TDRD5: variants seen among roughly 807,000 people sequenced by gnomAD.
TDRD5 encodes the protein tudor domain-containing protein 5.
In TDRD5, 41 loss-of-function variants were observed where a neutral mutation model predicts 120.6. That is an observed-to-expected ratio of 0.34 (90% CI 0.26 to 0.44). TDRD5 has a LOEUF of 0.44. Ranked by LOEUF, TDRD5 falls within the 20% of genes least tolerant of loss-of-function variation. The probability of loss-of-function intolerance (pLI) is 1.00; values close to 1 mark genes in which losing one functional copy is unlikely to be tolerated. For synonymous variants in TDRD5, 430 were observed against 433.7 expected (o/e 0.99, Z 0.11); for missense variants, 1,006 against 1,221.2 (o/e 0.82, Z 2.63).
At chr1:179,601,008 C>T (rs756161887) in intron 4 of TDRD5, among the ~76,000 whole-genome samples, 3 of 152,040 alleles carry the variant, frequency 2.0e-5, no homozygotes, top group Non-Finnish European at 2.9e-5. Flanking sequence ...TATTGAGACT[C>T]ATATGGCTCA....
rs968388243 is a variant in TDRD5, at chr1:179,614,305, G to A, written c.832-4294G>A. 3.9e-5 allele frequency among the ~76,000 whole-genome samples: 6 copies of A among 152,144 alleles called. No homozygotes were observed. The East Asian group carries it at 5.8e-4, about 15-fold the overall frequency. The stretch of plus-strand genomic sequence containing the variant: ...CTAATGCAACATAATTTTAAATGAT[G>A]GTATCAATGTGCCATGATTTTAAAT... On this transcript the variant is annotated intron_variant, in intron 4 of 17. Coordinates refer to ENST00000444136, the MANE Select transcript of TDRD5 (RefSeq NM_001199085.3).
rs956188866 is a variant in TDRD5 at position 179,596,412 on chromosome 1, T to C, written c.831+594T>C. On this transcript the variant is annotated intron_variant, in intron 4 of 17. Coordinates refer to ENST00000444136, the MANE Select transcript of TDRD5 (RefSeq NM_001199085.3). The stretch of plus-strand genomic sequence containing the variant: ...TCGAGTTTTGATTAATATATAATTA[T>C]ACAATCACCATCAAAATAAAAAACA... Among the ~76,000 whole-genome samples the C allele has an allele frequency of 4.6e-5, 7 of 152,300 alleles. 1 individual carries two copies. The East Asian group carries it at 1.3e-3, about 29-fold the overall frequency.
At chr1:179,617,426 A>G (rs1414630438) in intron 4 of TDRD5, among the ~76,000 whole-genome samples, 1 of 152,126 alleles carries the variant, frequency 6.6e-6, no homozygotes, top group Non-Finnish European at 1.5e-5. Flanking sequence ...CAGCCTTGTG[A>G]GAGATGGAGA....
Position 179,620,274 on chromosome 1 carries a change from A to C in TDRD5, c.916-761A>C, listed in dbSNP as rs568905178. ...AAGCTTGATTAGAATTTTGTATAAA[A>C]TATATCTGGAAAAATTTAGAAAACA... On this transcript the variant is annotated intron_variant, in intron 5 of 17. Transcript: ENST00000444136. Among the ~76,000 whole-genome samples, 3 of 152,250 alleles carry C rather than the reference A, an allele frequency of 2.0e-5. No homozygotes were observed. The South Asian group carries it at 6.2e-4, about 32-fold the overall frequency.
rs939190127 is a variant in TDRD5, at chr1:179,593,309, C to G, written c.233-151C>G. 1.5e-5 allele frequency: 13 copies of G among 869,230 alleles called. No homozygotes were observed. In the African/African-American group the frequency reaches 1.9e-4, roughly 12 times the overall value. The allele number at this position is 869,230 out of a possible 1,614,324, so 53.8% of individuals were successfully genotyped here. A position where few individuals can be genotyped will look rare whatever the true frequency, so the allele number is the denominator to read the frequency against. ...AGCTAGCAAGCTGTTGCCCAAAATG[C>G]AAGAAATCGAGGAACCAAGAGTTAC... is the stretch of plus-strand genomic sequence containing the variant. On this transcript the variant is annotated intron_variant, in intron 2 of 17. Transcript: ENST00000444136.
chr1:179,677,072 G>A (rs541062345), intron 17 of TDRD5, among the ~76,000 whole-genome samples: 1 of 152,058 alleles, frequency 6.6e-6, no homozygotes, highest in East Asian at 1.9e-4. Context: ...TGTGTTTGAT[G>A]GATCAGGTTA....
In TDRD5 at chr1:179,629,415, C is replaced by T. The variant is rs538255875; in HGVS notation, c.973-1352C>T. 4.6e-5 allele frequency among the ~76,000 whole-genome samples: 7 copies of T among 151,742 alleles called. No homozygotes were observed. In the South Asian group the frequency reaches 8.3e-4, roughly 18 times the overall value. On this transcript the variant is annotated intron_variant, in intron 6 of 17. Transcript: ENST00000444136. ...ATTAGTATTAAAAAGATAATTTGCA[C>T]GATAGATTAAGAAGGGAAAAATACA...
At chr1:179,685,211 A>G (rs1342517983) in intron 17 of TDRD5, among the ~76,000 whole-genome samples, 1 of 152,162 alleles carries the variant, frequency 6.6e-6, no homozygotes, top group Non-Finnish European at 1.5e-5. Flanking sequence ...ATCTTGAATT[A>G]GTTTTTGTAT....
At chr1:179,671,099 G>A (rs996981441) in intron 17 of TDRD5, among the ~76,000 whole-genome samples, 1 of 152,148 alleles carries the variant, frequency 6.6e-6, no homozygotes, top group African/African-American at 2.4e-5. Flanking sequence ...ACCATTTGTT[G>A]AAAAGACTAT....
intron 6 of TDRD5, among the ~76,000 whole-genome samples, chr1:179,627,111 G>A (rs751080082): frequency 1.2e-4 from 18 of 152,170 alleles, no homozygotes; most frequent in Non-Finnish European, 2.6e-4. Flanking sequence ...AAAAGGGAGT[G>A]ACTTATATAC....
At chr1:179,601,377 A>G (rs574642373) in intron 4 of TDRD5, among the ~76,000 whole-genome samples, 1 of 152,274 alleles carries the variant, frequency 6.6e-6, no homozygotes, top group African/African-American at 2.4e-5. Context: ...CCCAAGCAGT[A>G]TACACTGCAC....
chr1:179,656,841 C>A (rs1441638243), intron 14 of TDRD5, among the ~76,000 whole-genome samples: 1 of 152,142 alleles, frequency 6.6e-6, no homozygotes, highest in Non-Finnish European at 1.5e-5. Context: ...TACCTGAGGT[C>A]TGGAGTTCAG....
rs558402341 is a variant in TDRD5 at position 179,668,797 on chromosome 1, C to T, written c.2650-397C>T. Among the ~76,000 whole-genome samples, 314 of 132,992 alleles carry T rather than the reference C, an allele frequency of 2.4e-3. 1 individual carries two copies. The highest frequency in any genetic ancestry group is 8.5e-3 in the African/African-American group (300 of 35,298). The allele number at this position is 132,992 out of a possible 152,430, so 87.2% of individuals were successfully genotyped here. A position where few individuals can be genotyped will look rare whatever the true frequency, so the allele number is the denominator to read the frequency against. ...TCGCTCTGTCGCCCAGGCTGGAGTG[C>T]GGTGGCGCAACCTCGGCTCACTGCA... is the stretch of plus-strand genomic sequence containing the variant. On this transcript the variant is annotated intron_variant, in intron 16 of 17. Transcript: ENST00000444136.
chr1:179,675,130 A>G (rs1428086255), intron 17 of TDRD5, among the ~76,000 whole-genome samples: 1 of 151,608 alleles, frequency 6.6e-6, no homozygotes, highest in Non-Finnish European at 1.5e-5. Context: ...ATAACCTTAG[A>G]TTGTTTATTT....
intron 4 of TDRD5, among the ~76,000 whole-genome samples, chr1:179,598,175 T>A (rs1434926827): frequency 6.6e-6 from 1 of 152,222 alleles, no homozygotes; most frequent in Non-Finnish European, 1.5e-5. Context: ...ACGGGGTATT[T>A]GTGTATCTAA....
chr1:179,621,302 TTATAA>T (rs1676831378), intron 6 of TDRD5, among the ~76,000 whole-genome samples: 1 of 152,112 alleles, frequency 6.6e-6, no homozygotes, highest in South Asian at 2.1e-4. Flanking sequence ...CCACTTATTG[TTATAA>T]TATTATTATA....
chr1:179,651,408 A>C (rs1678705292), intron 12 of TDRD5, among the ~76,000 whole-genome samples: 1 of 152,128 alleles, frequency 6.6e-6, no homozygotes, highest in African/African-American at 2.4e-5. Context: ...GGTTGCAGTG[A>C]GCCGAGATGG....
At chr1:179,621,609 A>T (rs1676847150) in intron 6 of TDRD5, among the ~76,000 whole-genome samples, 1 of 152,198 alleles carries the variant, frequency 6.6e-6, no homozygotes, top group Non-Finnish European at 1.5e-5. Context: ...ATGGATAGAG[A>T]TTGACATTTA....
intron 4 of TDRD5, among the ~76,000 whole-genome samples, chr1:179,613,478 T>C (rs1322944043): frequency 1.3e-5 from 2 of 152,228 alleles, no homozygotes; most frequent in African/African-American, 4.8e-5. Flanking sequence ...CTGGCTGCTA[T>C]AACAAGCTAC....
Sources: gnomAD v4.1 joint callset for allele counts (sites outside exome capture counted in the v4.1 genomes callset) on GRCh38, gnomAD v4.1.1 for gene constraint, MANE v1.5 for transcripts, NCBI Gene and HGNC (gene_info 2026-07-23, HGNC 2026-07-21) for gene names.